The following TMEM132D variants were observed in gnomAD, a reference collection of about 807,000 sequenced individuals.
TMEM132D encodes mature OL transmembrane protein.
Under a neutral mutation model 62.3 loss-of-function variants are expected in TMEM132D, and 21 were observed. That is an observed-to-expected ratio of 0.34 (90% CI 0.24 to 0.49). The LOEUF is 0.49. TMEM132D is among the 20% of genes least tolerant of loss of function. The probability of loss-of-function intolerance (pLI) is 0.99; values close to 1 mark genes in which losing one functional copy is unlikely to be tolerated. For synonymous variants in TMEM132D, 621 were observed against 575.6 expected (o/e 1.08, Z -1.13); for missense variants, 1,346 against 1,402.8 (o/e 0.96, Z 0.65).
At chr12:129,077,491 G>GATCCCCTATAACA in intron 8 of TMEM132D, among the ~76,000 whole-genome samples, 1 of 152,022 alleles carries the variant, frequency 6.6e-6, no homozygotes, top group East Asian at 1.9e-4. Context: ...TACATTCAAA[G>GATCCCCTATAACA]GTCCCCTATA....
At chr12:129,482,074 C>T (rs1171402570) in intron 3 of TMEM132D, among the ~76,000 whole-genome samples, 1 of 152,190 alleles carries the variant, frequency 6.6e-6, no homozygotes, top group Non-Finnish European at 1.5e-5. Flanking sequence ...AACAGAGGTA[C>T]CCAGCTGACA....
At chr12:129,190,289 A>G (rs1370109273) in intron 5 of TMEM132D, among the ~76,000 whole-genome samples, 1 of 14,416 alleles carries the variant, frequency 6.9e-5, no homozygotes, top group African/African-American at 2.8e-4. Flanking sequence ...GAGGGGTCTC[A>G]GGCCTGCAGA....
chr12:129,223,332 G>T (rs1019270238), intron 4 of TMEM132D, among the ~76,000 whole-genome samples: 1 of 152,066 alleles, frequency 6.6e-6, no homozygotes, highest in African/African-American at 2.4e-5. Context: ...CTTGCTGGGG[G>T]CACTTGCTCT....
At chr12:129,852,851 G>A (rs1770639976) in intron 1 of TMEM132D, 1 of 152,172 alleles carries the variant, frequency 6.6e-6, no homozygotes, top group Non-Finnish European at 1.5e-5. Context: ...AGATTCTGTG[G>A]TAGGCTAATC....
intron 4 of TMEM132D, among the ~76,000 whole-genome samples, chr12:129,247,368 C>T (rs567961188): frequency 5.3e-5 from 8 of 152,190 alleles, no homozygotes; most frequent in Admixed American, 1.3e-4. Flanking sequence ...CTAGACCAAA[C>T]GCCCAACTTG....
intron 3 of TMEM132D, among the ~76,000 whole-genome samples, chr12:129,348,304 C>A (rs1869751571): frequency 6.6e-6 from 1 of 152,156 alleles, no homozygotes; most frequent in Admixed American, 6.5e-5. Context: ...TGGAACCAAC[C>A]CAAATGCTCA....
chr12:129,185,285 G>A (rs1484899336), intron 5 of TMEM132D, among the ~76,000 whole-genome samples: 1 of 152,026 alleles, frequency 6.6e-6, no homozygotes, highest in Non-Finnish European at 1.5e-5. Flanking sequence ...AGATTTCTGT[G>A]ATCTGTCATC....
At chr12:129,819,649 C>G (rs1872488705) in intron 1 of TMEM132D, among the ~76,000 whole-genome samples, 1 of 152,134 alleles carries the variant, frequency 6.6e-6, no homozygotes, top group African/African-American at 2.4e-5. Flanking sequence ...GAAATTAGCC[C>G]TCATCGCTAA....
chr12:129,337,586 C>A, intron 4 of TMEM132D, 48 bp downstream of exon 4: 1 of 1,607,344 alleles, frequency 6.2e-7, no homozygotes, highest in Non-Finnish European at 8.5e-7. Context: ...CCGGCGCCTT[C>A]CCCTCCCCCG....
At chr12:129,412,398 AAAC>A (rs1398392615) in intron 3 of TMEM132D, among the ~76,000 whole-genome samples, 30 of 152,358 alleles carry the variant, frequency 2.0e-4, no homozygotes, top group African/African-American at 6.3e-4. Flanking sequence ...TAAGAAAAGC[AAAC>A]AACAAGTGCC....
rs535487910 is a variant in TMEM132D, at chr12:129,293,893, T to C, written c.1299+43741A>G. ...CTAACCAGCCACGGACCAATACTGG[T>C]CCATAGCCTAGGGGTTGGGGACTCC... is the stretch of plus-strand genomic sequence containing the variant. On this transcript the variant is annotated intron_variant, in intron 4 of 8. Coordinates refer to ENST00000422113, the MANE Select transcript of TMEM132D (RefSeq NM_133448.3). Among the ~76,000 whole-genome samples, 9 of 152,232 alleles carry C rather than the reference T, an allele frequency of 5.9e-5. No individual in the cohort carries two copies. In the East Asian group the frequency reaches 1.7e-3, roughly 29 times the overall value.
chr12:129,352,398 T>A (rs953940388), intron 3 of TMEM132D, among the ~76,000 whole-genome samples: 4 of 151,594 alleles, frequency 2.6e-5, no homozygotes, highest in African/African-American at 9.7e-5. Context: ...TTCAAGAACA[T>A]CCTACTCTGT....
intron 3 of TMEM132D, among the ~76,000 whole-genome samples, chr12:129,467,759 A>G (rs1873958722): frequency 6.6e-6 from 1 of 152,100 alleles, no homozygotes; most frequent in African/African-American, 2.4e-5. Context: ...GCTGTAATGG[A>G]CTAAATGTTT....
At chr12:129,115,258 G>A (rs1875859486) in intron 5 of TMEM132D, among the ~76,000 whole-genome samples, 1 of 152,210 alleles carries the variant, frequency 6.6e-6, no homozygotes, top group South Asian at 2.1e-4. Flanking sequence ...GGACCCACAA[G>A]CATGATCTGG....
At chr12:129,705,533 T>G (rs1881485321) in intron 1 of TMEM132D, among the ~76,000 whole-genome samples, 2 of 152,212 alleles carry the variant, frequency 1.3e-5, no homozygotes. Context: ...AACTGAACAA[T>G]TATCTAATTG....
At chr12:129,394,427 C>A (rs998442324) in intron 3 of TMEM132D, among the ~76,000 whole-genome samples, 1 of 152,132 alleles carries the variant, frequency 6.6e-6, no homozygotes, top group Non-Finnish European at 1.5e-5. Context: ...TCAGTTGGCT[C>A]GAAAATGACA....
intron 1 of TMEM132D, among the ~76,000 whole-genome samples, chr12:129,815,118 G>A (rs1044760016): frequency 1.3e-5 from 2 of 152,202 alleles, no homozygotes; most frequent in Non-Finnish European, 2.9e-5. Context: ...AATATTTTAA[G>A]ATGTATTCAA....
At chr12:129,707,717 G>A (rs1261223022) in intron 1 of TMEM132D, among the ~76,000 whole-genome samples, 1 of 152,118 alleles carries the variant, frequency 6.6e-6, no homozygotes, top group Non-Finnish European at 1.5e-5. Flanking sequence ...TTAAGAGCAA[G>A]ATACATTTCT....
At chr12:129,171,850 C>A (rs747371393) in intron 5 of TMEM132D, among the ~76,000 whole-genome samples, 11 of 152,170 alleles carry the variant, frequency 7.2e-5, no homozygotes, top group Non-Finnish European at 1.5e-4. Flanking sequence ...AGAGCACAGG[C>A]AGAGTAGATT....
Sources: gnomAD v4.1 joint callset for allele counts (sites outside exome capture counted in the v4.1 genomes callset) on GRCh38, gnomAD v4.1.1 for gene constraint, MANE v1.5 for transcripts, NCBI Gene and HGNC (gene_info 2026-07-23, HGNC 2026-07-21) for gene names.